ITGAD: variants seen among roughly 807,000 people sequenced by gnomAD.
The protein encoded by ITGAD is integrin alpha-D.
Under a neutral mutation model 139.0 loss-of-function variants are expected in ITGAD, and 105 were observed. The observed-to-expected ratio is 0.76, with a 90% CI of 0.65 to 0.89. The LOEUF (loss-of-function observed/expected upper bound fraction) is 0.89, where lower values mean the gene tolerates loss of function less well. ITGAD is among the 40% of genes least tolerant of loss of function. The probability of loss-of-function intolerance (pLI) is 0.00; values close to 1 mark genes in which losing one functional copy is unlikely to be tolerated. For synonymous variants in ITGAD, 569 were observed against 598.3 expected (o/e 0.95, Z 0.71); for missense variants, 1,384 against 1,487.3 (o/e 0.93, Z 1.14).
chr16:31,396,697 C>T (rs937283597), intron 2 of ITGAD, among the ~76,000 whole-genome samples: 1 of 152,196 alleles, frequency 6.6e-6, no homozygotes, highest in Non-Finnish European at 1.5e-5. Flanking sequence ...CATTAAAATA[C>T]ACCAGTATCT....
chr16:31,398,016 G>A, intron 5 of ITGAD, 107 bp downstream of exon 5: 1 of 782,426 alleles, frequency 1.3e-6, no homozygotes, highest in South Asian at 1.8e-5. Flanking sequence ...GGAGGGCCGA[G>A]TGTGGCTAGG....
rs2081766449 is a variant in ITGAD, at chr16:31,412,849, C to T, written c.1719C>T (p.Ser573=). 4 of 1,613,964 alleles carry T rather than the reference C, an allele frequency of 2.5e-6. No individual in the cohort carries two copies. Among genetic ancestry groups the T allele is most frequent in the East Asian group, 2.2e-5 (1 of 44,876 alleles). The change falls in exon 15 of 30, where the codon AGC becomes AGT. Residue 573 remains serine (S), a synonymous_variant. Coordinates refer to ENST00000389202, the MANE Select transcript of ITGAD (RefSeq NM_005353.3). Reference sequence around the variant, plus strand: ...TCTCTTCTGGCCAGCGGATTGCCAGCTCCCAGCTCTCCCCCAGGCTGCAGT... The same window carrying T: ...TCTCTTCTGGCCAGCGGATTGCCAGTTCCCAGCTCTCCCCCAGGCTGCAGT... The part of the protein sequence containing the change: ...ISPSHSQRIA[S]SQLSPRLQYF...
At position 31,393,488 on chromosome 16, in the gene ITGAD, C is replaced by A. The variant is rs1218606623; in HGVS notation, c.31+97C>A. 3 of 1,315,796 alleles carry A rather than the reference C, an allele frequency of 2.3e-6. No homozygotes were observed. In the East Asian group the frequency reaches 6.9e-5, roughly 30 times the overall value. 81.5% of individuals were successfully genotyped at this position (1,315,796 alleles called of 1,614,324 possible). A position where few individuals can be genotyped will look rare whatever the true frequency, so the allele number is the denominator to read the frequency against. ...GGGGGCTGGTGGTCGGCTCCAACCA[C>A]TCTTATGAGGAGCTGAGGCAGGGGA... On this transcript the variant is annotated intron_variant, in intron 1 of 29. Transcript: ENST00000389202.
intron 10 of ITGAD, among the ~76,000 whole-genome samples, chr16:31,409,818 G>A (rs2081634093): frequency 6.6e-6 from 1 of 151,738 alleles, no homozygotes; most frequent in African/African-American, 2.4e-5. Context: ...AGGCTGAGAT[G>A]GGGGGATTGC....
In ITGAD at chr16:31,426,321, C is replaced by CT; in HGVS notation, c.*198dup. 1 of 529,420 alleles carries CT rather than the reference C, an allele frequency of 1.9e-6. No homozygotes were observed. Among genetic ancestry groups the CT allele is most frequent in the Non-Finnish European group, 3.4e-6 (1 of 294,014 alleles). 32.8% of individuals were successfully genotyped at this position (529,420 alleles called of 1,614,324 possible). A position where few individuals can be genotyped will look rare whatever the true frequency, so the allele number is the denominator to read the frequency against. ...GTCCATCTTTTTCAGCAATGACCCA[C>CT]TTTTTACAGAAGCAGGCATGGTGCC... is the stretch of plus-strand genomic sequence containing the variant. On this transcript the variant is annotated 3_prime_UTR_variant, in exon 30 of 30. Coordinates refer to ENST00000389202, the MANE Select transcript of ITGAD (RefSeq NM_005353.3).
chr16:31,393,417 G>A, intron 1 of ITGAD, 26 bp downstream of exon 1: 1 of 1,613,768 alleles, frequency 6.2e-7, no homozygotes. Flanking sequence ...GTGCTGGGGA[G>A]AAGCTTGGAG....
intron 18 of ITGAD, 29 bp from the exon 19 acceptor site, chr16:31,416,184 T>C (rs1330774030): frequency 1.9e-6 from 3 of 1,563,998 alleles, no homozygotes; most frequent in Non-Finnish European, 2.6e-6. Flanking sequence ...AGATGTCAGA[T>C]GGGAACAGAA....
intron 28 of ITGAD, 115 bp downstream of exon 28, chr16:31,424,318 C>T: frequency 7.3e-7 from 1 of 1,362,212 alleles, no homozygotes; most frequent in East Asian, 2.3e-5. Context: ...AGTCTCTGGG[C>T]AGGACAGCTG....
intron 17 of ITGAD, 63 bp from the exon 18 acceptor site, chr16:31,414,797 G>A (rs946658352): frequency 3.1e-6 from 5 of 1,593,676 alleles, no homozygotes; most frequent in African/African-American, 2.7e-5. Flanking sequence ...GGATGCAGTG[G>A]AGGAGGACTT....
chr16:31,414,562 TG>T lies in ITGAD; in HGVS notation c.2111del (p.Gly704AspfsTer9), dbSNP rs768454329. On this transcript the variant is annotated frameshift_variant, in exon 17 of 30. Coordinates refer to ENST00000389202, the MANE Select transcript of ITGAD (RefSeq NM_005353.3). LOFTEE classifies it high-confidence loss of function. ...CCCACTTTGACTCGAAGAAAAACCC[TG>T]GGACTGGGGATTCACTGTGAAACCC... is the stretch of plus-strand genomic sequence containing the variant. ...KNPTLTRRKT[L>X]GLGIHCETLK... 4.3e-6 allele frequency: 7 copies of T among 1,614,202 alleles called. No homozygotes were observed. The highest frequency in any genetic ancestry group is 5.9e-6 in the Non-Finnish European group (7 of 1,180,034).
chr16:31,414,307 T>C, intron 16 of ITGAD, 144 bp from the exon 17 acceptor site: 1 of 751,662 alleles, frequency 1.3e-6, no homozygotes, highest in East Asian at 2.6e-5. Flanking sequence ...TCCATCTATC[T>C]TCTTCACATG....
At chr16:31,409,448 G>A (rs1206612308) in intron 10 of ITGAD, among the ~76,000 whole-genome samples, 1 of 152,034 alleles carries the variant, frequency 6.6e-6, no homozygotes, top group African/African-American at 2.4e-5. Flanking sequence ...CTCAAGGTAG[G>A]TCACACATAC....
At chr16:31,420,470 T>A (rs1156407493) in intron 23 of ITGAD, among the ~76,000 whole-genome samples, 1 of 152,060 alleles carries the variant, frequency 6.6e-6, no homozygotes, top group Non-Finnish European at 1.5e-5. Flanking sequence ...CAATCTGGGC[T>A]CACTGCAACC....
In ITGAD at chr16:31,395,792, G is replaced by A. The variant is rs531719732; in HGVS notation, c.137+1451G>A. On this transcript the variant is annotated intron_variant, in intron 2 of 29. Coordinates refer to ENST00000389202, the MANE Select transcript of ITGAD (RefSeq NM_005353.3). ...GCAGACCCAGGAGGGTTCCATGGAG[G>A]AAGTGGTGCTGGCAGTGAGCCCCAG... Among the ~76,000 whole-genome samples the A allele has an allele frequency of 5.3e-5, 8 of 152,136 alleles. No homozygotes were observed. In the East Asian group the frequency reaches 1.5e-3, roughly 29 times the overall value.
Position 31,407,680 on chromosome 16 carries a change from C to G in ITGAD, c.858+12C>G. On this transcript the variant is annotated intron_variant, in intron 8 of 29. Coordinates refer to ENST00000389202, the MANE Select transcript of ITGAD (RefSeq NM_005353.3). Reference sequence around the variant, plus strand: ...GCTACGCTATCGGGGTGCGCCTCTTCTTCACCCCTGCCCCAGGCTCAGCCT... The same window carrying G: ...GCTACGCTATCGGGGTGCGCCTCTTGTTCACCCCTGCCCCAGGCTCAGCCT... 1.2e-6 allele frequency: 2 copies of G among 1,613,946 alleles called. No individual in the cohort carries two copies. Among genetic ancestry groups the G allele is most frequent in the Non-Finnish European group, 1.7e-6 (2 of 1,179,886 alleles).
At chr16:31,407,486 T>A in intron 7 of ITGAD, 29 bp from the exon 8 acceptor site, 19 of 1,547,862 alleles carry the variant, frequency 1.2e-5, no homozygotes, top group Non-Finnish European at 1.7e-5. Flanking sequence ...CACATCTCAG[T>A]AGAGTCATCT....
chr16:31,402,271 G>T, intron 6 of ITGAD, 26 bp downstream of exon 6: 1 of 1,525,928 alleles, frequency 6.6e-7, no homozygotes, highest in Non-Finnish European at 8.9e-7. Context: ...CTGGGGCTGG[G>T]GTTTGGGGGA....
chr16:31,397,493 A>G, intron 3 of ITGAD, 31 bp downstream of exon 3: 4 of 1,581,172 alleles, frequency 2.5e-6, no homozygotes, highest in African/African-American at 1.3e-5. Context: ...TGGGCCCCTC[A>G]ACCCTCCTGG....
chr16:31,403,291 T>G lies in ITGAD; in HGVS notation c.559-209T>G. 1.8e-6 allele frequency: 1 copy of G among 545,736 alleles called. No individual in the cohort carries two copies. The highest frequency in any genetic ancestry group is 3.2e-6 in the Non-Finnish European group (1 of 310,264). The allele number at this position is 545,736 out of a possible 1,614,324, so 33.8% of individuals were successfully genotyped here. ...GAGTTCGAGACCAGCCTGGGCAACA[T>G]AGTGAGACCTTGTCTCTACCAAAAA... is the stretch of plus-strand genomic sequence containing the variant. On this transcript the variant is annotated intron_variant, in intron 6 of 29. Coordinates refer to ENST00000389202, the MANE Select transcript of ITGAD (RefSeq NM_005353.3). The surrounding 1 kb of genome is among the most constrained non-coding windows in gnomAD (Gnocchi z 4.4).
Sources: allele counts gnomAD v4.1 joint callset (sites outside exome capture counted in the v4.1 genomes callset), GRCh38; gene constraint gnomAD v4.1.1; non-coding constraint Gnocchi (gnomAD v3.1); transcripts MANE v1.5; gene names NCBI Gene and HGNC (gene_info 2026-07-23, HGNC 2026-07-21).